The following CHRM3 variants were observed in gnomAD, a reference collection of about 807,000 sequenced individuals.
CHRM3 encodes the protein muscarinic acetylcholine receptor M3.
CHRM3 carries 11 observed loss-of-function variants against 41.8 expected under a neutral mutation model. That is an observed-to-expected ratio of 0.26 (90% CI 0.17 to 0.44). The LOEUF (loss-of-function observed/expected upper bound fraction) is 0.44, where lower values mean the gene tolerates loss of function less well. CHRM3 is among the 20% of genes least tolerant of loss of function. CHRM3 has a pLI of 1.00. For synonymous variants in CHRM3, 297 were observed against 301.4 expected, an observed-to-expected ratio of 0.99 and a Z score of 0.15; for missense variants, 571 against 745.4, an observed-to-expected ratio of 0.77 and a Z score of 2.72.
At chr1:239,781,405 C>A (rs796839320) in intron 5 of CHRM3, among the ~76,000 whole-genome samples, 7 of 152,252 alleles carry the variant, frequency 4.6e-5, no homozygotes, top group African/African-American at 1.7e-4. Flanking sequence ...CTGTTCATTG[C>A]TAGTACAGGA....
chr1:239,820,369 G>C (rs1011403545), intron 5 of CHRM3, among the ~76,000 whole-genome samples: 30 of 152,164 alleles, frequency 2.0e-4, no homozygotes, highest in African/African-American at 7.0e-4. Context: ...GGCAAAGTCT[G>C]TTGGGGCCAC....
chr1:239,909,900 A>G lies in CHRM3; in HGVS notation c.*676A>G, dbSNP rs942120244. ...TAGTGTATATAATATCATGGGAAAC[A>G]CTGAACTGGCAAATTATTCCTGCAA... On this transcript the variant is annotated 3_prime_UTR_variant, in exon 7 of 7. Transcript: ENST00000676153. The G allele has an allele frequency of 6.0e-6, 1 of 167,122 alleles. No individual in the cohort carries two copies. The highest frequency in any genetic ancestry group is 2.4e-5 in the African/African-American group (1 of 41,454). 10.4% of individuals were successfully genotyped at this position (167,122 alleles called of 1,614,324 possible).
rs559720846 is a variant in CHRM3 at position 239,746,932 on chromosome 1, A to G, written c.-147+68644A>G. 7.3e-5 allele frequency among the ~76,000 whole-genome samples: 11 copies of G among 151,716 alleles called. No homozygotes were observed. The South Asian group carries it at 1.5e-3, about 20-fold the overall frequency. ...GCCACCAACCCCAGCTAATTTTTGT[A>G]TTTTTAGTAGAGACGGGGTTTCACC... On this transcript the variant is annotated intron_variant, in intron 5 of 6. Coordinates refer to ENST00000676153, the MANE Select transcript of CHRM3 (RefSeq NM_001375978.1).
At chr1:239,645,136 G>C (rs1334575990) in intron 4 of CHRM3, among the ~76,000 whole-genome samples, 1 of 152,190 alleles carries the variant, frequency 6.6e-6, no homozygotes, top group Non-Finnish European at 1.5e-5. Flanking sequence ...TCATGGAAGA[G>C]CAGCAGGAGC....
At chr1:239,618,830 C>A (rs1469723840) in intron 3 of CHRM3, among the ~76,000 whole-genome samples, 2 of 118,992 alleles carry the variant, frequency 1.7e-5, no homozygotes, top group Non-Finnish European at 3.4e-5. Flanking sequence ...GGAGACAGAG[C>A]GAGACTCTGT....
intron 5 of CHRM3, among the ~76,000 whole-genome samples, chr1:239,743,642 A>G (rs1665054259): frequency 6.6e-6 from 1 of 152,108 alleles, no homozygotes; most frequent in Non-Finnish European, 1.5e-5. Context: ...GGGGTCACAG[A>G]TCCAGTATGT....
At chr1:239,632,051 C>T (rs1669905776) in intron 3 of CHRM3, among the ~76,000 whole-genome samples, 173 bp from the exon 4 acceptor site, 1 of 152,198 alleles carries the variant, frequency 6.6e-6, no homozygotes, top group African/African-American at 2.4e-5. Context: ...CCGTCCTCTT[C>T]AGGTACATGA....
At chr1:239,538,230 C>T (rs1004367573) in intron 2 of CHRM3, among the ~76,000 whole-genome samples, 1 of 152,216 alleles carries the variant, frequency 6.6e-6, no homozygotes, top group Non-Finnish European at 1.5e-5. Context: ...TAGTTCTCAT[C>T]TTCCATGCAA....
chr1:239,752,632 A>C (rs1019869578), intron 5 of CHRM3, among the ~76,000 whole-genome samples: 1 of 152,142 alleles, frequency 6.6e-6, no homozygotes, highest in Non-Finnish European at 1.5e-5. Context: ...TACCATGTGG[A>C]TTTACCTTTT....
chr1:239,410,482 C>G (rs1237830170), intron 1 of CHRM3, among the ~76,000 whole-genome samples: 1 of 152,152 alleles, frequency 6.6e-6, no homozygotes, highest in African/African-American at 2.4e-5. Flanking sequence ...TTTTCAAGGC[C>G]TAGAGGGCTG....
intron 5 of CHRM3, among the ~76,000 whole-genome samples, chr1:239,747,041 C>T (rs1665427197): frequency 6.6e-6 from 1 of 152,118 alleles, no homozygotes; most frequent in South Asian, 2.1e-4. Context: ...CCAGCATGAG[C>T]CACCACACCT....
chr1:239,602,211 T>C (rs767963871), intron 3 of CHRM3, among the ~76,000 whole-genome samples: 1 of 151,132 alleles, frequency 6.6e-6, no homozygotes, highest in Non-Finnish European at 1.5e-5. Flanking sequence ...CTTGGCTCAC[T>C]GCAAGCTCTG....
chr1:239,439,083 G>T (rs1325905529), intron 1 of CHRM3, among the ~76,000 whole-genome samples: 1 of 152,194 alleles, frequency 6.6e-6, no homozygotes, highest in Non-Finnish European at 1.5e-5. Flanking sequence ...GGCATACTTA[G>T]TGTGAAAATC....
At chr1:239,521,736 C>T (rs1259637915) in intron 2 of CHRM3, among the ~76,000 whole-genome samples, 1 of 151,986 alleles carries the variant, frequency 6.6e-6, no homozygotes, top group Non-Finnish European at 1.5e-5. Flanking sequence ...AAACCAATCT[C>T]AGATTTAGTA....
chr1:239,850,746 G>C (rs1010564215), intron 6 of CHRM3, among the ~76,000 whole-genome samples: 1 of 152,024 alleles, frequency 6.6e-6, no homozygotes, highest in South Asian at 2.1e-4. Flanking sequence ...TTTTATAAGG[G>C]GATCATCCCC....
At chr1:239,552,337 G>A (rs1430856872) in intron 3 of CHRM3, among the ~76,000 whole-genome samples, 6 of 145,880 alleles carry the variant, frequency 4.1e-5, no homozygotes, top group Non-Finnish European at 7.5e-5. Context: ...TAGATGATAT[G>A]TATCATATTT....
intron 3 of CHRM3, among the ~76,000 whole-genome samples, chr1:239,546,913 A>C (rs1201541202): frequency 6.6e-6 from 1 of 152,182 alleles, no homozygotes; most frequent in African/African-American, 2.4e-5. Flanking sequence ...ATCTTCTATG[A>C]CCATTCTCTT....
At chr1:239,666,137 A>C (rs543208176) in intron 4 of CHRM3, among the ~76,000 whole-genome samples, 1 of 151,656 alleles carries the variant, frequency 6.6e-6, no homozygotes, top group Admixed American at 6.6e-5. Context: ...TCCCACTAAC[A>C]GTGTAAAAGC....
At chr1:239,647,952 A>C (rs1306086623) in intron 4 of CHRM3, among the ~76,000 whole-genome samples, 1 of 152,242 alleles carries the variant, frequency 6.6e-6, no homozygotes, top group Non-Finnish European at 1.5e-5. Context: ...GTATTGTGGA[A>C]ATAGTAACTG....
Sources: gnomAD v4.1 joint callset for allele counts (sites outside exome capture counted in the v4.1 genomes callset) on GRCh38, gnomAD v4.1.1 for gene constraint, MANE v1.5 for transcripts, NCBI Gene and HGNC (gene_info 2026-07-23, HGNC 2026-07-21) for gene names.